Variants in ZC3H12B observed in about 807,000 individuals in gnomAD.
The protein encoded by ZC3H12B is probable ribonuclease ZC3H12B.
A neutral mutation model predicts 43.9 loss-of-function variants in ZC3H12B; 7 were observed. That is an observed-to-expected ratio of 0.16 (90% CI 0.09 to 0.30). ZC3H12B has a LOEUF of 0.30. ZC3H12B is among the 10% of genes least tolerant of loss of function. The probability of loss-of-function intolerance (pLI) is 1.00; values close to 1 mark genes in which losing one functional copy is unlikely to be tolerated. For missense variants in ZC3H12B, 475 were observed against 670.2 expected, an observed-to-expected ratio of 0.71 and a Z score of 3.22; for synonymous variants, 222 against 241.7, an observed-to-expected ratio of 0.92 and a Z score of 0.76.
At chrX:65,057,251 C>T in the ZC3H12B span, among the ~76,000 whole-genome samples, 1 of 111,672 alleles carries the variant, frequency 9.0e-6, no homozygotes, top group African/African-American at 3.3e-5. Context: ...TTAGTGCTTC[C>T]TTCAGGAGCT....
chrX:65,462,031 A>G (rs1048777937), intron 3 of ZC3H12B, among the ~76,000 whole-genome samples: 1 of 110,799 alleles, frequency 9.0e-6, no homozygotes, highest in African/African-American at 3.3e-5. Context: ...CCTTAGAAAA[A>G]TTAAATAAAT....
At chrX:65,117,785 T>G in the ZC3H12B span, among the ~76,000 whole-genome samples, 26,823 of 111,458 alleles carry the variant, frequency 0.24, 7,705 homozygotes, top group African/African-American at 0.83. Context: ...CATATGGCTA[T>G]CCAGTTTTCC....
chrX:65,189,748 G>C, the ZC3H12B span, among the ~76,000 whole-genome samples: 1 of 110,233 alleles, frequency 9.1e-6, no homozygotes, highest in Non-Finnish European at 1.9e-5. Flanking sequence ...TTTGTAAGTT[G>C]CCTGTTCACT....
At chrX:65,056,497 GCTTTA>G in the ZC3H12B span, among the ~76,000 whole-genome samples, 1 of 111,682 alleles carries the variant, frequency 9.0e-6, no homozygotes, top group Non-Finnish European at 1.9e-5. Flanking sequence ...GCTGAGGAAT[GCTTTA>G]CTTCCAACTA....
chrX:65,135,415 C>T, the ZC3H12B span, among the ~76,000 whole-genome samples: 4 of 108,743 alleles, frequency 3.7e-5, no homozygotes, highest in African/African-American at 1.3e-4. Context: ...TTAGAGACTT[C>T]CTTCATTCAT....
chrX:65,139,251 G>C, the ZC3H12B span, among the ~76,000 whole-genome samples: 1 of 111,875 alleles, frequency 8.9e-6, no homozygotes, highest in Non-Finnish European at 1.9e-5. Context: ...TAATCCATTC[G>C]AGTTGATTTC....
chrX:65,183,274 T>G, the ZC3H12B span, among the ~76,000 whole-genome samples: 1 of 111,816 alleles, frequency 8.9e-6, no homozygotes, highest in Non-Finnish European at 1.9e-5. Context: ...TCAACATGGA[T>G]GGAGTTGGGT....
chrX:65,087,157 A>T, the ZC3H12B span, among the ~76,000 whole-genome samples: 1 of 110,406 alleles, frequency 9.1e-6, no homozygotes, highest in Admixed American at 9.7e-5. Flanking sequence ...CTCATCATGG[A>T]TGCCCTTCTC....
the ZC3H12B span, among the ~76,000 whole-genome samples, chrX:65,199,958 A>G: frequency 9.0e-6 from 1 of 110,791 alleles, no homozygotes; most frequent in Non-Finnish European, 1.9e-5. Flanking sequence ...TTCTCTGGGT[A>G]TATACCCAGT....
chrX:65,427,355 G>A (rs770922688), intron 3 of ZC3H12B, among the ~76,000 whole-genome samples: 11 of 110,576 alleles, frequency 9.9e-5, no homozygotes, highest in Non-Finnish European at 2.1e-4. Context: ...TTGAGAGGGT[G>A]TCTTGCTCTC....
At chrX:65,193,023 C>A in the ZC3H12B span, among the ~76,000 whole-genome samples, 2 of 110,795 alleles carry the variant, frequency 1.8e-5, no homozygotes, top group African/African-American at 6.6e-5. Flanking sequence ...CCACTCGCCT[C>A]AGCCTCCCAA....
the ZC3H12B span, among the ~76,000 whole-genome samples, chrX:65,230,050 A>G: frequency 9.0e-6 from 1 of 110,924 alleles, no homozygotes; most frequent in Non-Finnish European, 1.9e-5. Flanking sequence ...TACCCAAAGG[A>G]CTATAAATCT....
intron 1 of ZC3H12B, among the ~76,000 whole-genome samples, chrX:65,494,127 A>C (rs760810786): frequency 8.9e-6 from 1 of 112,120 alleles, no homozygotes; most frequent in Non-Finnish European, 1.9e-5. Context: ...AAATATATCA[A>C]AATATTAACA....
At chrX:65,192,625 T>A in the ZC3H12B span, among the ~76,000 whole-genome samples, 1 of 111,868 alleles carries the variant, frequency 8.9e-6, no homozygotes, top group Non-Finnish European at 1.9e-5. Context: ...TTGTCCTTCA[T>A]TCTTTTGATA....
At chrX:65,330,165 T>G in the ZC3H12B span, among the ~76,000 whole-genome samples, 5 of 110,198 alleles carry the variant, frequency 4.5e-5, no homozygotes, top group African/African-American at 1.6e-4. Context: ...ATGATATTGA[T>G]TCTTCCTACC....
chrX:65,115,122 A>G, the ZC3H12B span, among the ~76,000 whole-genome samples: 3 of 107,660 alleles, frequency 2.8e-5, no homozygotes, highest in Non-Finnish European at 5.8e-5. Context: ...GTTCTTTAGT[A>G]GTGATTTCTG....
the ZC3H12B span, among the ~76,000 whole-genome samples, chrX:65,310,300 A>G: frequency 9.8e-5 from 11 of 112,161 alleles, no homozygotes; most frequent in South Asian, 3.7e-3. Context: ...AACTTCAGCA[A>G]AGTCTCAGGA....
chrX:65,106,435 A>G, the ZC3H12B span, among the ~76,000 whole-genome samples: 1 of 111,380 alleles, frequency 9.0e-6, no homozygotes, highest in East Asian at 2.8e-4. Context: ...TTTATCTTTT[A>G]TGTACATTGC....
the ZC3H12B span, among the ~76,000 whole-genome samples, chrX:65,175,125 G>A: frequency 2.7e-5 from 3 of 111,412 alleles, no homozygotes; most frequent in African/African-American, 9.8e-5. Flanking sequence ...TCCCTTGGAT[G>A]GGGGACAGAG....
Sources: gnomAD v4.1 joint callset for allele counts (sites outside exome capture counted in the v4.1 genomes callset) on GRCh38, gnomAD v4.1.1 for gene constraint, MANE v1.5 for transcripts, NCBI Gene and HGNC (gene_info 2026-07-23, HGNC 2026-07-21) for gene names.